LTBP1: variants seen among roughly 807,000 people sequenced by gnomAD.
The protein encoded by LTBP1 is latent-transforming growth factor beta-binding protein 1.
Under a neutral mutation model 207.6 loss-of-function variants are expected in LTBP1, and 129 were observed. The observed-to-expected ratio is 0.62, with a 90% CI of 0.54 to 0.72. LTBP1 has a LOEUF of 0.72. Among genes scored for constraint, LTBP1 ranks in the 30% least tolerant of loss-of-function variants. The probability of loss-of-function intolerance (pLI) is 0.00; values close to 1 mark genes in which losing one functional copy is unlikely to be tolerated. For missense variants in LTBP1, 2,281 were observed against 2,217.2 expected (o/e 1.03, Z -0.58); for synonymous variants, 963 against 833.7 (o/e 1.16, Z -2.67).
intron 2 of LTBP1, among the ~76,000 whole-genome samples, chr2:33,012,161 G>A (rs556431395): frequency 4.6e-5 from 7 of 152,128 alleles, no homozygotes; most frequent in South Asian, 4.1e-4. Context: ...GCCACAGGGC[G>A]TATGACAGTG....
chr2:33,317,464 G>T (rs1238881433), intron 24 of LTBP1, among the ~76,000 whole-genome samples: 2 of 152,074 alleles, frequency 1.3e-5, no homozygotes, highest in Non-Finnish European at 2.9e-5. Flanking sequence ...TTCTAAATTG[G>T]TCCAAATTTC....
chr2:33,012,092 G>C (rs1687750630), intron 2 of LTBP1, among the ~76,000 whole-genome samples: 1 of 152,126 alleles, frequency 6.6e-6, no homozygotes, highest in Admixed American at 6.5e-5. Flanking sequence ...TCCCTGGCTG[G>C]GTTGTGAATG....
chr2:33,105,762 G>A (rs2080032168), intron 3 of LTBP1, among the ~76,000 whole-genome samples: 1 of 152,162 alleles, frequency 6.6e-6, no homozygotes, highest in African/African-American at 2.4e-5. Flanking sequence ...TTGCCTTGAT[G>A]TTGGTGTCTG....
At chr2:33,036,543 C>T (rs1297062758) in intron 3 of LTBP1, among the ~76,000 whole-genome samples, 7 of 151,950 alleles carry the variant, frequency 4.6e-5, no homozygotes, top group South Asian at 2.1e-4. Context: ...CTGCAACCTC[C>T]GCCTCCTGGG....
intron 11 of LTBP1, among the ~76,000 whole-genome samples, 200 bp from the exon 12 acceptor site, chr2:33,257,084 A>G (rs999546874): frequency 6.6e-6 from 1 of 150,994 alleles, no homozygotes; most frequent in African/African-American, 2.4e-5. Flanking sequence ...TAGTAAAAAA[A>G]AAGTTGGATT....
intron 24 of LTBP1, among the ~76,000 whole-genome samples, chr2:33,325,484 AGAG>A (rs1408027806): frequency 1.3e-5 from 2 of 152,222 alleles, no homozygotes; most frequent in Admixed American, 1.3e-4. Flanking sequence ...CTGTATGAAA[AGAG>A]AAAGCGTACA....
chr2:33,209,647 A>G (rs2090148110), intron 7 of LTBP1, among the ~76,000 whole-genome samples: 1 of 152,222 alleles, frequency 6.6e-6, no homozygotes, highest in South Asian at 2.1e-4. Flanking sequence ...TCTTAAGAAT[A>G]TCTTTTTCTT....
chr2:33,009,327 G>A (rs767765397), intron 2 of LTBP1, among the ~76,000 whole-genome samples: 3 of 152,116 alleles, frequency 2.0e-5, no homozygotes, highest in Admixed American at 6.5e-5. Context: ...CTGAAATATT[G>A]CCCTTCCCTG....
chr2:32,996,746 G>A (rs1259339025), intron 2 of LTBP1, among the ~76,000 whole-genome samples: 1 of 152,154 alleles, frequency 6.6e-6, no homozygotes, highest in Non-Finnish European at 1.5e-5. Context: ...AGGCTCCAGA[G>A]GTTTATGTGT....
At chr2:33,079,739 C>T (rs904126665) in intron 3 of LTBP1, among the ~76,000 whole-genome samples, 6 of 152,168 alleles carry the variant, frequency 3.9e-5, no homozygotes, top group Non-Finnish European at 7.4e-5. Context: ...ATGGAGCCAC[C>T]TGGGGCCATC....
chr2:33,266,757 C>G (rs1005207570), intron 15 of LTBP1, among the ~76,000 whole-genome samples: 1 of 152,164 alleles, frequency 6.6e-6, no homozygotes, highest in Non-Finnish European at 1.5e-5. Context: ...ATCCTGAGAG[C>G]TGTCACGTCA....
intron 31 of LTBP1, among the ~76,000 whole-genome samples, chr2:33,378,438 C>T (rs2150346510): frequency 6.6e-6 from 1 of 152,146 alleles, no homozygotes; most frequent in East Asian, 1.9e-4. Context: ...CACCATGTTG[C>T]CCAGGCTGGT....
At chr2:33,155,999 T>C (rs181901388) in intron 5 of LTBP1, among the ~76,000 whole-genome samples, 45 of 152,246 alleles carry the variant, frequency 3.0e-4, no homozygotes, top group Non-Finnish European at 5.7e-4. Flanking sequence ...AGCACATAGA[T>C]GTATTGGAGA....
chr2:33,353,234 C>T (rs2094807229), intron 26 of LTBP1, among the ~76,000 whole-genome samples: 1 of 152,148 alleles, frequency 6.6e-6, no homozygotes, highest in Admixed American at 6.5e-5. Context: ...CTGCCTTGTC[C>T]TTCCAAAGTT....
chr2:33,324,425 GTA>G (rs955713198), intron 24 of LTBP1, among the ~76,000 whole-genome samples: 1 of 151,584 alleles, frequency 6.6e-6, no homozygotes, highest in South Asian at 2.1e-4. Flanking sequence ...AAAAAACACA[GTA>G]TATATATATG....
intron 5 of LTBP1, among the ~76,000 whole-genome samples, chr2:33,155,603 C>A (rs1480844807): frequency 6.6e-6 from 1 of 151,982 alleles, no homozygotes; most frequent in East Asian, 1.9e-4. Context: ...GTAGCAACCC[C>A]CCATCTCACC....
rs774727797 is a variant in LTBP1 at position 33,263,112 on chromosome 2, G to A, written c.2519-182G>A. 1.7e-4 allele frequency among the ~76,000 whole-genome samples: 26 copies of A among 151,896 alleles called. 1 individual carries two copies. The highest frequency in any genetic ancestry group is 3.3e-4 in the Admixed American group (5 of 15,244). ...TGAACGATCATTTTTCTTGGCTTCC[G>A]CATCACTCTCAGATATTCTTGCTAA... On this transcript the variant is annotated intron_variant, in intron 14 of 33. Transcript: ENST00000404816.
At chr2:33,340,238 AC>A (rs1289388729) in intron 24 of LTBP1, among the ~76,000 whole-genome samples, 3 of 142,480 alleles carry the variant, frequency 2.1e-5, no homozygotes, top group African/African-American at 5.3e-5. Flanking sequence ...AGCCTGGGCG[AC>A]AGAGCGAGAC....
At chr2:33,124,204 T>C (rs1289981185) in intron 4 of LTBP1, among the ~76,000 whole-genome samples, 1 of 151,530 alleles carries the variant, frequency 6.6e-6, no homozygotes, top group African/African-American at 2.4e-5. Flanking sequence ...AGGTCAGGAG[T>C]TCAAGACCAG....
Sources: allele counts gnomAD v4.1 joint callset (sites outside exome capture counted in the v4.1 genomes callset), GRCh38; gene constraint gnomAD v4.1.1; transcripts MANE v1.5; gene names NCBI Gene and HGNC (gene_info 2026-07-23, HGNC 2026-07-21).